Variants in PITPNC1 observed in about 807,000 individuals in gnomAD.
PITPNC1 encodes phosphatidylinositol transfer protein cytoplasmic 1.
In PITPNC1, 18 loss-of-function variants were observed where a neutral mutation model predicts 44.7. The ratio of observed to expected loss-of-function variants is 0.40; its 90% CI spans 0.28 to 0.60. PITPNC1 has a LOEUF of 0.60. PITPNC1 is among the 20% of genes least tolerant of loss of function. The pLI, the probability that PITPNC1 is intolerant of heterozygous loss-of-function variation, is 0.39. For synonymous variants in PITPNC1, 141 were observed against 149.6 expected, an observed-to-expected ratio of 0.94 and a Z score of 0.42; for missense variants, 290 against 418.4, an observed-to-expected ratio of 0.69 and a Z score of 2.68.
At chr17:67,591,422 A>C (rs79834551) in intron 5 of PITPNC1, among the ~76,000 whole-genome samples, 6 of 152,202 alleles carry the variant, frequency 3.9e-5, no homozygotes, top group Non-Finnish European at 8.8e-5. Context: ...AGATAATAGT[A>C]TTATATCAAT....
At chr17:67,658,286 G>A (rs1046168866) in intron 6 of PITPNC1, among the ~76,000 whole-genome samples, 3 of 152,220 alleles carry the variant, frequency 2.0e-5, no homozygotes, top group Admixed American at 2.0e-4. Context: ...CCTTTCCTCT[G>A]ATTGATCCCC....
In PITPNC1 at chr17:67,622,925, A is replaced by C. The variant is rs550853586; in HGVS notation, c.367-9218A>C. The stretch of plus-strand genomic sequence containing the variant: ...GAACCAACACTAGACCCATATGCTT[A>C]AAGTATTAACTAGCAGCCAGTATAC... On this transcript the variant is annotated intron_variant, in intron 5 of 8. Coordinates refer to ENST00000581322, the MANE Select transcript of PITPNC1 (RefSeq NM_012417.4). Among the ~76,000 whole-genome samples the C allele has an allele frequency of 5.9e-5, 9 of 152,166 alleles. No homozygotes were observed. In the South Asian group the frequency reaches 1.9e-3, roughly 32 times the overall value.
At chr17:67,410,903 T>A (rs2038486138) in intron 1 of PITPNC1, among the ~76,000 whole-genome samples, 1 of 151,640 alleles carries the variant, frequency 6.6e-6, no homozygotes, top group South Asian at 2.1e-4. Context: ...GCCAAGTTGG[T>A]GAAACCCCGT....
At chr17:67,562,990 AG>A (rs1422065462) in intron 4 of PITPNC1, among the ~76,000 whole-genome samples, 1 of 152,224 alleles carries the variant, frequency 6.6e-6, no homozygotes, top group Non-Finnish European at 1.5e-5. Flanking sequence ...CAAGCAACAC[AG>A]GCTTTTCTCA....
At chr17:67,425,325 A>G (rs2143878802) in intron 1 of PITPNC1, among the ~76,000 whole-genome samples, 1 of 151,240 alleles carries the variant, frequency 6.6e-6, no homozygotes. Context: ...GTATGGGAGA[A>G]TGAACCCCTC....
Position 67,377,733 on chromosome 17 carries a change from C to T in PITPNC1, c.-422C>T. On this transcript the variant is annotated 5_prime_UTR_variant, in exon 1 of 9. Transcript: ENST00000581322. ...CCAGGTTCCCGTCTGCTTTCGGAGG[C>T]GGATCGAGCGGGTGACTTTTGTGCA... 6.3e-6 allele frequency: 1 copy of T among 159,086 alleles called. No homozygotes were observed. The highest frequency in any genetic ancestry group is 1.8e-4 in the East Asian group (1 of 5,480). 9.9% of individuals were successfully genotyped at this position (159,086 alleles called of 1,614,324 possible).
intron 1 of PITPNC1, among the ~76,000 whole-genome samples, chr17:67,485,226 AC>A (rs1389170692): frequency 2.0e-5 from 3 of 152,094 alleles, no homozygotes; most frequent in Non-Finnish European, 4.4e-5. Context: ...GGGAGCATTT[AC>A]CATGAGCGCA....
intron 1 of PITPNC1, among the ~76,000 whole-genome samples, chr17:67,447,136 G>C (rs1196166598): frequency 1.6e-5 from 2 of 126,464 alleles, no homozygotes; most frequent in Non-Finnish European, 3.4e-5. Context: ...TAGGATCTAA[G>C]AAGAATGTGT....
intron 5 of PITPNC1, among the ~76,000 whole-genome samples, chr17:67,622,650 C>T (rs1298758427): frequency 6.6e-6 from 1 of 151,500 alleles, no homozygotes; most frequent in East Asian, 1.9e-4. Context: ...GAGGCTGAGG[C>T]AGTTGGATCA....
At chr17:67,417,239 C>T (rs995192267) in intron 1 of PITPNC1, among the ~76,000 whole-genome samples, 4 of 152,134 alleles carry the variant, frequency 2.6e-5, no homozygotes, top group Admixed American at 6.5e-5. Context: ...TTGAGTGATC[C>T]TCCTGCCTCA....
At chr17:67,478,678 A>T (rs2039663105) in intron 1 of PITPNC1, among the ~76,000 whole-genome samples, 1 of 152,076 alleles carries the variant, frequency 6.6e-6, no homozygotes, top group South Asian at 2.1e-4. Flanking sequence ...CCTTGAAAGG[A>T]TGTCACTGAG....
At chr17:67,573,978 T>C (rs996808178) in intron 4 of PITPNC1, among the ~76,000 whole-genome samples, 1 of 152,222 alleles carries the variant, frequency 6.6e-6, no homozygotes, top group Non-Finnish European at 1.5e-5. Flanking sequence ...TTTAAGACTG[T>C]GTCTCTTTTC....
chr17:67,617,609 C>G (rs1002449882), intron 5 of PITPNC1, among the ~76,000 whole-genome samples: 1 of 152,208 alleles, frequency 6.6e-6, no homozygotes, highest in African/African-American at 2.4e-5. Flanking sequence ...AATTGATTCT[C>G]TTGCAGTTCT....
At chr17:67,493,978 T>C (rs2039896293) in intron 1 of PITPNC1, among the ~76,000 whole-genome samples, 1 of 152,206 alleles carries the variant, frequency 6.6e-6, no homozygotes, top group African/African-American at 2.4e-5. Flanking sequence ...GAGTATGTAT[T>C]GAATGCCTGC....
intron 1 of PITPNC1, among the ~76,000 whole-genome samples, chr17:67,436,917 T>TG (rs2038945755): frequency 8.1e-6 from 1 of 123,588 alleles, no homozygotes; most frequent in Non-Finnish European, 1.7e-5. Flanking sequence ...TGTTTTTTTT[T>TG]TTTTTTTTTT....
At chr17:67,609,267 G>T (rs2144289614) in intron 5 of PITPNC1, among the ~76,000 whole-genome samples, 1 of 149,398 alleles carries the variant, frequency 6.7e-6, no homozygotes, top group South Asian at 2.1e-4. Context: ...GGGAGAGTTG[G>T]TCATGTTCTT....
chr17:67,386,141 G>A (rs965975605), intron 1 of PITPNC1, among the ~76,000 whole-genome samples: 2 of 152,164 alleles, frequency 1.3e-5, no homozygotes, highest in African/African-American at 4.8e-5. Flanking sequence ...TAAGGCTGTC[G>A]TTTCAGGCGA....
intron 1 of PITPNC1, among the ~76,000 whole-genome samples, chr17:67,437,325 G>A (rs1402574691): frequency 1.3e-5 from 2 of 152,064 alleles, no homozygotes; most frequent in African/African-American, 4.8e-5. Context: ...TATAGGAAGG[G>A]GAGCGGACAT....
intron 2 of PITPNC1, among the ~76,000 whole-genome samples, chr17:67,550,920 G>T (rs909775421): frequency 4.3e-4 from 66 of 152,098 alleles, no homozygotes; most frequent in African/African-American, 1.6e-3. Flanking sequence ...AATTAGCCGG[G>T]CGTGGTGGCT....
Sources: allele counts gnomAD v4.1 joint callset (sites outside exome capture counted in the v4.1 genomes callset), GRCh38; gene constraint gnomAD v4.1.1; transcripts MANE v1.5; gene names NCBI Gene and HGNC (gene_info 2026-07-23, HGNC 2026-07-21).